FIGN: variants seen among roughly 807,000 people sequenced by gnomAD.
FIGN encodes fidgetin, microtubule severing factor.
Under a neutral mutation model 51.3 loss-of-function variants are expected in FIGN, and 11 were observed. The ratio of observed to expected loss-of-function variants is 0.21; its 90% CI spans 0.13 to 0.35. The LOEUF is 0.35. Among genes scored for constraint, FIGN ranks in the 10% least tolerant of loss-of-function variants. The pLI, the probability that FIGN is intolerant of heterozygous loss-of-function variation, is 1.00. For synonymous variants in FIGN, 407 were observed against 363.2 expected (o/e 1.12, Z -1.37); for missense variants, 857 against 943.6 (o/e 0.91, Z 1.20).
chr2:163,691,575 GTTAA>G (rs1202829625), intron 2 of FIGN, among the ~76,000 whole-genome samples: 24 of 152,126 alleles, frequency 1.6e-4, no homozygotes, highest in African/African-American at 5.8e-4. Context: ...CTTACAACAT[GTTAA>G]TTAATCCAAG....
chr2:163,634,348 A>G (rs1174778568), intron 2 of FIGN, among the ~76,000 whole-genome samples: 1 of 152,116 alleles, frequency 6.6e-6, no homozygotes, highest in African/African-American at 2.4e-5. Context: ...TATTTCATAA[A>G]TTGAGAGTAT....
chr2:163,656,942 T>TATCC lies in FIGN; in HGVS notation c.26-45140_26-45137dup, dbSNP rs1407790422. Among the ~76,000 whole-genome samples the TATCC allele has an allele frequency of 1.5e-4, 23 of 152,160 alleles. 1 individual carries two copies. The highest frequency in any genetic ancestry group is 2.8e-4 in the Non-Finnish European group (19 of 68,038). ...GTTGGCTACTACAGATACTTTTAAA[T>TATCC]ATCCACTCTTTATTGTTCTGAATGT... is the stretch of plus-strand genomic sequence containing the variant. On this transcript the variant is annotated intron_variant, in intron 2 of 2. Coordinates refer to ENST00000333129, the MANE Select transcript of FIGN (RefSeq NM_018086.4).
intron 2 of FIGN, among the ~76,000 whole-genome samples, chr2:163,630,523 G>A (rs1683129351): frequency 6.6e-6 from 1 of 152,002 alleles, no homozygotes; most frequent in African/African-American, 2.4e-5. Context: ...AAAGATCAAG[G>A]CAAACTCATC....
chr2:163,629,824 T>C (rs1683116678), intron 2 of FIGN, among the ~76,000 whole-genome samples: 1 of 151,426 alleles, frequency 6.6e-6, no homozygotes, highest in Admixed American at 6.6e-5. Flanking sequence ...AAGGGATAAA[T>C]AAAAGACACA....
At chr2:163,619,853 C>A (rs1357021682) in intron 2 of FIGN, among the ~76,000 whole-genome samples, 1 of 152,050 alleles carries the variant, frequency 6.6e-6, no homozygotes. Context: ...AACATATTAT[C>A]ATGCTCACAC....
Position 163,623,738 on chromosome 2 carries a change from T to C in FIGN, c.26-11932A>G, listed in dbSNP as rs1683007894. On this transcript the variant is annotated intron_variant, in intron 2 of 2. Coordinates refer to ENST00000333129, the MANE Select transcript of FIGN (RefSeq NM_018086.4). ...TACTTTCAATCTTCTGGCCATTATA[T>C]GATCACTTAGCTAACTTGTGAAGAT... Among the ~76,000 whole-genome samples, 6 of 152,178 alleles carry C rather than the reference T, an allele frequency of 3.9e-5. No homozygotes were observed. The South Asian group carries it at 1.2e-3, about 31-fold the overall frequency.
intron 2 of FIGN, among the ~76,000 whole-genome samples, chr2:163,705,373 A>G (rs1183791392): frequency 6.6e-6 from 1 of 152,142 alleles, no homozygotes; most frequent in Admixed American, 6.6e-5. Context: ...ATAGTTCCAT[A>G]GTTTCTCATA....
intron 2 of FIGN, among the ~76,000 whole-genome samples, chr2:163,685,094 T>G (rs1331524479): frequency 6.6e-6 from 1 of 152,098 alleles, no homozygotes; most frequent in African/African-American, 2.4e-5. Flanking sequence ...GAACTGTAAC[T>G]TTCTTTAAGG....
chr2:163,682,672 A>T (rs538148377), intron 2 of FIGN, among the ~76,000 whole-genome samples: 54 of 152,322 alleles, frequency 3.5e-4, no homozygotes, highest in African/African-American at 1.2e-3. Flanking sequence ...AGAATTTTTT[A>T]AAAAGGCATT....
chr2:163,673,808 G>A (rs964986139), intron 2 of FIGN, among the ~76,000 whole-genome samples: 1 of 152,096 alleles, frequency 6.6e-6, no homozygotes. Flanking sequence ...CTGGCTTGGG[G>A]CAGAAGCCTC....
intron 2 of FIGN, among the ~76,000 whole-genome samples, chr2:163,657,037 G>GA (rs1683570104): frequency 6.7e-6 from 1 of 149,570 alleles, no homozygotes; most frequent in Non-Finnish European, 1.5e-5. Flanking sequence ...CCAACAGACT[G>GA]AAAGCAAACA....
chr2:163,691,926 C>A (rs1271548643), intron 2 of FIGN, among the ~76,000 whole-genome samples: 1 of 152,126 alleles, frequency 6.6e-6, no homozygotes, highest in Non-Finnish European at 1.5e-5. Context: ...AGGATTCTCT[C>A]CAAGAAGTGA....
chr2:163,627,662 C>A (rs954290912), intron 2 of FIGN, among the ~76,000 whole-genome samples: 14 of 152,008 alleles, frequency 9.2e-5, no homozygotes, highest in African/African-American at 3.4e-4. Flanking sequence ...CCTACAATAC[C>A]AAGTATCAGC....
chr2:163,699,437 A>G (rs540210241), intron 2 of FIGN, among the ~76,000 whole-genome samples: 59 of 152,280 alleles, frequency 3.9e-4, no homozygotes, highest in Admixed American at 1.1e-3. Context: ...TTAGGTCAAC[A>G]TTAAAAATTG....
intron 2 of FIGN, among the ~76,000 whole-genome samples, chr2:163,676,483 A>ATATAT (rs1553499928): frequency 1.2e-4 from 6 of 48,476 alleles, no homozygotes; most frequent in South Asian, 8.4e-4. Flanking sequence ...ATATATATAT[A>ATATAT]ACTAGAGTCT....
intron 2 of FIGN, among the ~76,000 whole-genome samples, chr2:163,668,625 T>A (rs1683823390): frequency 6.6e-6 from 1 of 152,058 alleles, no homozygotes; most frequent in Admixed American, 6.6e-5. Flanking sequence ...TAAAGCAAAG[T>A]TTTAAATAGG....
chr2:163,634,089 C>CGTGTGTGTGT lies in FIGN; in HGVS notation c.26-22293_26-22284dup, dbSNP rs66956230. ...CAATTCTTTTCTGTACGTATGTATG[C>CGTGTGTGTGT]GTGTGTGTGTGTGTGTGTGTGTGTG... On this transcript the variant is annotated intron_variant, in intron 2 of 2. Transcript: ENST00000333129. Among the ~76,000 whole-genome samples, 837 of 145,484 alleles carry CGTGTGTGTGT rather than the reference C, an allele frequency of 5.8e-3. 3 individuals are homozygous for CGTGTGTGTGT. The highest frequency in any genetic ancestry group is 0.047 in the Middle Eastern group (13 of 274).
At chr2:163,729,382 AG>A (rs1684890854) in intron 2 of FIGN, among the ~76,000 whole-genome samples, 1 of 152,106 alleles carries the variant, frequency 6.6e-6, no homozygotes, top group Admixed American at 6.6e-5. Context: ...AAGAGAGTAA[AG>A]GTATTTTCAA....
intron 2 of FIGN, among the ~76,000 whole-genome samples, chr2:163,702,736 A>AT (rs1368420912): frequency 8.5e-5 from 13 of 152,300 alleles, no homozygotes; most frequent in African/African-American, 3.1e-4. Context: ...CTATTTAGCA[A>AT]TTTGCTATTT....
Sources: gnomAD v4.1 joint callset for allele counts (sites outside exome capture counted in the v4.1 genomes callset) on GRCh38, gnomAD v4.1.1 for gene constraint, MANE v1.5 for transcripts, NCBI Gene and HGNC (gene_info 2026-07-23, HGNC 2026-07-21) for gene names.